Variants in B3GLCT observed in about 807,000 individuals in gnomAD.
B3GLCT encodes the protein beta 3-glucosyltransferase.
B3GLCT carries 65 observed loss-of-function variants against 63.4 expected under a neutral mutation model. The ratio of observed to expected loss-of-function variants is 1.03; its 90% confidence interval spans 0.84 to 1.26. The LOEUF (loss-of-function observed/expected upper bound fraction) is 1.26. B3GLCT is among the 50% of genes most tolerant of loss of function. B3GLCT has a pLI of 0.00. For missense variants in B3GLCT, 577 were observed against 604.8 expected, an observed-to-expected ratio of 0.95 and a Z score of 0.48; for synonymous variants, 233 against 219.2, an observed-to-expected ratio of 1.06 and a Z score of -0.55.
At chr13:31,296,123 C>T (rs951026391) in intron 12 of B3GLCT, among the ~76,000 whole-genome samples, 51 of 152,194 alleles carry the variant, frequency 3.4e-4, no homozygotes, top group Admixed American at 1.1e-3. Flanking sequence ...TGTTTCTGCT[C>T]GCCCTCTGTG....
At chr13:31,211,761 A>G (rs1160850825) in intron 1 of B3GLCT, among the ~76,000 whole-genome samples, 1 of 152,234 alleles carries the variant, frequency 6.6e-6, no homozygotes, top group Non-Finnish European at 1.5e-5. Flanking sequence ...TCTTTCCTGT[A>G]TGTAATTCCT....
At chr13:31,299,568 T>C (rs1268867024) in intron 12 of B3GLCT, among the ~76,000 whole-genome samples, 1 of 152,222 alleles carries the variant, frequency 6.6e-6, no homozygotes, top group Non-Finnish European at 1.5e-5. Context: ...CCCATAGCCA[T>C]TATCAGTCTC....
At chr13:31,217,704 C>T (rs1232247934) in intron 2 of B3GLCT, among the ~76,000 whole-genome samples, 1 of 152,168 alleles carries the variant, frequency 6.6e-6, no homozygotes, top group African/African-American at 2.4e-5. Flanking sequence ...TGAGTCCTTT[C>T]CCCATTGCTT....
chr13:31,219,816 CAAAGT>C (rs1869735433), intron 2 of B3GLCT, among the ~76,000 whole-genome samples: 1 of 152,286 alleles, frequency 6.6e-6, no homozygotes, highest in Middle Eastern at 3.4e-3. Flanking sequence ...CTGAACAAAT[CAAAGT>C]AAAGAGGAAC....
chr13:31,222,911 T>C (rs143166785), intron 2 of B3GLCT, 41 bp from the exon 3 acceptor site: 3 of 1,325,736 alleles, frequency 2.3e-6, no homozygotes, highest in Admixed American at 1.7e-5. Context: ...GGCTTTGTTA[T>C]GTACTGAGAT....
At position 31,229,095 on chromosome 13, in the gene B3GLCT, T is replaced by G. The variant is rs540095767; in HGVS notation, c.161-90T>G. On this transcript the variant is annotated intron_variant, in intron 3 of 14. Coordinates refer to ENST00000343307, the MANE Select transcript of B3GLCT (RefSeq NM_194318.4). Reference sequence around the variant, plus strand: ...ATTAAGAGTTTACTGCCTGAAGGTTTGCTTTGTAGCTATTTTTTCACTTGT... The same window carrying G: ...ATTAAGAGTTTACTGCCTGAAGGTTGGCTTTGTAGCTATTTTTTCACTTGT... The G allele has an allele frequency of 1.9e-3, 1,565 of 834,484 alleles. 3 individuals carry two copies. The highest frequency in any genetic ancestry group is 2.7e-3 in the Non-Finnish European group (1,370 of 503,646). The allele number at this position is 834,484 out of a possible 1,614,324, so 51.7% of individuals were successfully genotyped here.
chr13:31,329,830 A>G lies in B3GLCT; in HGVS notation c.*162A>G. 1 of 768,136 alleles carries G rather than the reference A, an allele frequency of 1.3e-6. No homozygotes were observed. The allele number at this position is 768,136 out of a possible 1,614,324, so 47.6% of individuals were successfully genotyped here. On this transcript the variant is annotated 3_prime_UTR_variant, in exon 15 of 15. Coordinates refer to ENST00000343307, the MANE Select transcript of B3GLCT (RefSeq NM_194318.4). ...GTATGGTATTTTTTGACAGAGGAAG[A>G]AAAGGGGTCACAGGAGAAACATTTT...
intron 1 of B3GLCT, among the ~76,000 whole-genome samples, chr13:31,201,428 G>A (rs1868661650): frequency 6.6e-6 from 1 of 152,142 alleles, no homozygotes; most frequent in Admixed American, 6.5e-5. Context: ...GGGCACCTCC[G>A]GCAGAGAAGG....
intron 4 of B3GLCT, among the ~76,000 whole-genome samples, chr13:31,242,940 A>G (rs1871026696): frequency 6.6e-6 from 1 of 152,204 alleles, no homozygotes; most frequent in South Asian, 2.1e-4. Context: ...GGGGCCATAA[A>G]TGAATACTGG....
At chr13:31,205,531 C>G (rs138816942) in intron 1 of B3GLCT, among the ~76,000 whole-genome samples, 2 of 152,004 alleles carry the variant, frequency 1.3e-5, no homozygotes, top group Admixed American at 6.6e-5. Context: ...TGCACTTCAG[C>G]CTGGGTGACA....
intron 8 of B3GLCT, among the ~76,000 whole-genome samples, chr13:31,273,430 A>G (rs946435183): frequency 2.0e-5 from 3 of 152,166 alleles, no homozygotes; most frequent in African/African-American, 4.8e-5. Context: ...TGTTTTGTGT[A>G]ATCTTTTCAA....
chr13:31,274,974 T>C (rs1313925382), intron 9 of B3GLCT, among the ~76,000 whole-genome samples: 1 of 152,248 alleles, frequency 6.6e-6, no homozygotes, highest in Non-Finnish European at 1.5e-5. Context: ...TGTTTCTGCA[T>C]TAATTCACGT....
At chr13:31,224,917 A>G (rs1870016615) in intron 3 of B3GLCT, among the ~76,000 whole-genome samples, 2 of 152,176 alleles carry the variant, frequency 1.3e-5, no homozygotes, top group Non-Finnish European at 2.9e-5. Context: ...TGCTTGGCCC[A>G]TGGTAGGTGC....
intron 4 of B3GLCT, among the ~76,000 whole-genome samples, chr13:31,236,891 C>A (rs1382170740): frequency 6.6e-6 from 1 of 152,118 alleles, no homozygotes; most frequent in Admixed American, 6.5e-5. Context: ...CCTTGGGAGG[C>A]CAAGGTGGGC....
intron 12 of B3GLCT, among the ~76,000 whole-genome samples, chr13:31,315,421 T>C (rs1479551647): frequency 1.3e-5 from 2 of 152,212 alleles, no homozygotes; most frequent in African/African-American, 4.8e-5. Flanking sequence ...ATTTTGCCCC[T>C]GCCCTAGAGA....
chr13:31,252,993 G>A (rs961431593), intron 6 of B3GLCT, among the ~76,000 whole-genome samples: 9 of 152,158 alleles, frequency 5.9e-5, no homozygotes, highest in Middle Eastern at 3.4e-3. Context: ...GCAAAAGAAC[G>A]GAAATCATAA....
chr13:31,275,499 C>A (rs1387077105), intron 9 of B3GLCT, among the ~76,000 whole-genome samples: 2 of 152,180 alleles, frequency 1.3e-5, no homozygotes, highest in Non-Finnish European at 2.9e-5. Context: ...CCAGTGCTTT[C>A]TGTGACACCC....
chr13:31,215,073 T>A lies in B3GLCT; in HGVS notation c.93T>A (p.Asp31Glu), dbSNP rs1044194277. Reference protein sequence around the residue: ...CSLAFGLASEDTKKEVKQSQD... With the variant: ...CSLAFGLASEETKKEVKQSQD... The stretch of plus-strand genomic sequence containing the variant: ...CAGCTTTTGGTTTGGCTTCTGAAGA[T>A]ACAAAGAAAGAGGTCAAGCAGTCTC... The change falls in exon 2 of 15, where the codon GAT becomes GAA. Residue 31 changes from aspartate (D) to glutamate (E), a missense_variant. Physicochemically the swap from Asp to Glu is conservative, Grantham distance 45 (BLOSUM62 2). Transcript: ENST00000343307. 6.2e-7 allele frequency: 1 copy of A among 1,610,012 alleles called. No individual in the cohort carries two copies. The highest frequency in any genetic ancestry group is 8.5e-7 in the Non-Finnish European group (1 of 1,179,218).
chr13:31,279,909 A>G (rs1262269228), intron 10 of B3GLCT, among the ~76,000 whole-genome samples: 6 of 152,202 alleles, frequency 3.9e-5, no homozygotes, highest in Admixed American at 3.9e-4. Flanking sequence ...GCTAAGAAAA[A>G]GAATTCAGCA....
Sources: allele counts gnomAD v4.1 joint callset (sites outside exome capture counted in the v4.1 genomes callset), GRCh38; gene constraint gnomAD v4.1.1; transcripts MANE v1.5; gene names NCBI Gene and HGNC (gene_info 2026-07-23, HGNC 2026-07-21).